The following CAMTA1 variants were observed in gnomAD, a reference collection of about 807,000 sequenced individuals.
CAMTA1 encodes calmodulin-binding transcription activator 1.
In CAMTA1, 27 loss-of-function variants were observed where a neutral mutation model predicts 170.9. The observed-to-expected ratio is 0.16, with a 90% CI of 0.12 to 0.22. The LOEUF is 0.22. Among genes scored for constraint, CAMTA1 ranks in the 10% least tolerant of loss-of-function variants. CAMTA1 has a pLI of 1.00. For synonymous variants in CAMTA1, 833 were observed against 891.5 expected (o/e 0.93, Z 1.17); for missense variants, 1,619 against 2,217.2 (o/e 0.73, Z 5.42).
At chr1:7,198,680 T>A (rs1318820020) in intron 4 of CAMTA1, among the ~76,000 whole-genome samples, 1 of 152,056 alleles carries the variant, frequency 6.6e-6, no homozygotes, top group Non-Finnish European at 1.5e-5. Context: ...GGACCTCTTC[T>A]TGCTGTGACT....
At chr1:7,512,284 CAT>C (rs1330575717) in intron 6 of CAMTA1, among the ~76,000 whole-genome samples, 1 of 152,170 alleles carries the variant, frequency 6.6e-6, no homozygotes, top group African/African-American at 2.4e-5. Flanking sequence ...AGTTATGTAA[CAT>C]GTGGAAGGTA....
At chr1:7,704,992 G>GA (rs1348541443) in intron 11 of CAMTA1, among the ~76,000 whole-genome samples, 1,263 of 4,838 alleles carry the variant, frequency 0.26, 41 homozygotes, top group Middle Eastern at 0.33. Flanking sequence ...GCCGGGGCGT[G>GA]GGGACACGCG....
intron 3 of CAMTA1, among the ~76,000 whole-genome samples, chr1:6,927,333 G>A (rs79251682): frequency 0.093 from 14,121 of 152,146 alleles, 930 homozygotes; most frequent in East Asian, 0.23. Flanking sequence ...GCACCCAGCC[G>A]CCTCAGTGAT....
intron 5 of CAMTA1, among the ~76,000 whole-genome samples, chr1:7,393,688 T>C (rs1035554936): frequency 1.3e-5 from 2 of 152,220 alleles, no homozygotes; most frequent in African/African-American, 4.8e-5. Context: ...CTCACACATA[T>C]ACCATTTCTT....
At chr1:7,282,242 C>A (rs1037598335) in intron 5 of CAMTA1, among the ~76,000 whole-genome samples, 1 of 152,156 alleles carries the variant, frequency 6.6e-6, no homozygotes, top group African/African-American at 2.4e-5. Flanking sequence ...CAGGCCCAAC[C>A]ACCTGTGTCG....
At chr1:7,238,358 A>C (rs1664268992) in intron 4 of CAMTA1, among the ~76,000 whole-genome samples, 1 of 152,166 alleles carries the variant, frequency 6.6e-6, no homozygotes, top group Non-Finnish European at 1.5e-5. Context: ...CTGACCTTGA[A>C]AATTTGCTTA....
chr1:6,980,012 G>A (rs1694160751), intron 3 of CAMTA1, among the ~76,000 whole-genome samples: 2 of 152,150 alleles, frequency 1.3e-5, no homozygotes, highest in Admixed American at 6.5e-5. Context: ...CATCCCACCT[G>A]TTCCTCTGTT....
intron 5 of CAMTA1, among the ~76,000 whole-genome samples, chr1:7,302,333 A>G (rs1236241900): frequency 6.6e-6 from 1 of 152,036 alleles, no homozygotes; most frequent in Non-Finnish European, 1.5e-5. Context: ...ACCGACAATA[A>G]CAGGGAGAAC....
At chr1:6,910,557 C>G (rs1211923846) in intron 3 of CAMTA1, among the ~76,000 whole-genome samples, 2 of 152,178 alleles carry the variant, frequency 1.3e-5, no homozygotes, top group African/African-American at 4.8e-5. Flanking sequence ...AAGGAAAATG[C>G]TAATGTAACT....
Position 7,588,060 on chromosome 1 carries a change from G to A in CAMTA1, c.511-52340G>A, listed in dbSNP as rs1424790829. 3.3e-5 allele frequency among the ~76,000 whole-genome samples: 5 copies of A among 152,138 alleles called. No homozygotes were observed. The highest frequency in any genetic ancestry group is 2.1e-4 in the South Asian group (1 of 4,836). ...GCGTGTGGCAGCCTCCACCGTGCAG[G>A]TGGGCACTGGGCTGGCCTGGCAGTG... On this transcript the variant is annotated intron_variant, in intron 6 of 22. Transcript: ENST00000303635. This position sits in a 1 kb window ranked among gnomAD's most constrained non-coding sequence, Gnocchi z 5.8.
chr1:7,386,201 T>C (rs1223164208), intron 5 of CAMTA1, among the ~76,000 whole-genome samples: 1 of 152,234 alleles, frequency 6.6e-6, no homozygotes, highest in Non-Finnish European at 1.5e-5. Flanking sequence ...AAGTTTGTAC[T>C]GAACTGGCCA....
intron 4 of CAMTA1, among the ~76,000 whole-genome samples, chr1:7,099,363 AT>A (rs1463830785): frequency 6.6e-6 from 1 of 151,978 alleles, no homozygotes; most frequent in Non-Finnish European, 1.5e-5. Context: ...CCCTTCTTTT[AT>A]TTTTATAAAA....
At chr1:7,492,409 G>A (rs1269156933) in intron 6 of CAMTA1, among the ~76,000 whole-genome samples, 2 of 152,102 alleles carry the variant, frequency 1.3e-5, no homozygotes, top group African/African-American at 4.8e-5. Flanking sequence ...GCTGGGGTGT[G>A]CACATGAGCA....
intron 3 of CAMTA1, among the ~76,000 whole-genome samples, chr1:6,930,859 G>A (rs993827350): frequency 2.6e-5 from 4 of 152,240 alleles, no homozygotes; most frequent in Non-Finnish European, 4.4e-5. Context: ...TTCACCAGGC[G>A]TGGGAAGGAG....
chr1:7,296,130 C>G (rs1048933566), intron 5 of CAMTA1, among the ~76,000 whole-genome samples: 1 of 152,178 alleles, frequency 6.6e-6, no homozygotes, highest in African/African-American at 2.4e-5. Flanking sequence ...TGGAACACAA[C>G]AGGAAAGCTT....
intron 1 of CAMTA1, among the ~76,000 whole-genome samples, chr1:6,818,841 A>G (rs1262311223): frequency 3.9e-5 from 6 of 152,026 alleles, no homozygotes; most frequent in African/African-American, 1.2e-4. Context: ...AGGTTTTGCC[A>G]TGTTATCCAG....
chr1:7,727,402 G>A (rs571863950), intron 11 of CAMTA1, among the ~76,000 whole-genome samples: 10 of 152,264 alleles, frequency 6.6e-5, no homozygotes, highest in South Asian at 2.1e-4. Context: ...GATTACAGGC[G>A]TGAGCCACCG....
At chr1:7,125,805 A>C (rs1446975564) in intron 4 of CAMTA1, among the ~76,000 whole-genome samples, 1 of 152,188 alleles carries the variant, frequency 6.6e-6, no homozygotes, top group Non-Finnish European at 1.5e-5. Flanking sequence ...TTTGACCTGA[A>C]GTGAAATCAC....
In CAMTA1 at chr1:7,030,230, A is replaced by G. The variant is rs998919339; in HGVS notation, c.235-61074A>G. On this transcript the variant is annotated intron_variant, in intron 3 of 22. Coordinates refer to ENST00000303635, the MANE Select transcript of CAMTA1 (RefSeq NM_015215.4). ...ACAAAAATAGTATATTTTTTTGTAT[A>G]CAGTTACATTAAAATCCATTGGCCT... 3.3e-5 allele frequency among the ~76,000 whole-genome samples: 5 copies of G among 152,222 alleles called. No individual in the cohort carries two copies. The South Asian group carries it at 1.0e-3, about 31-fold the overall frequency.
Sources: gnomAD v4.1 joint callset for allele counts (sites outside exome capture counted in the v4.1 genomes callset) on GRCh38, gnomAD v4.1.1 for gene constraint, Gnocchi (gnomAD v3.1) non-coding constraint, MANE v1.5 for transcripts, NCBI Gene and HGNC (gene_info 2026-07-23, HGNC 2026-07-21) for gene names.